The following CSMD1 variants were observed in gnomAD, a reference collection of about 807,000 sequenced individuals.
The protein encoded by CSMD1 is CUB and Sushi multiple domains 1.
Under a neutral mutation model 417.5 loss-of-function variants are expected in CSMD1, and 213 were observed. The observed-to-expected ratio is 0.51, with a 90% CI of 0.46 to 0.57. CSMD1 has a LOEUF of 0.57. CSMD1 is among the 20% of genes least tolerant of loss of function. The pLI, the probability that CSMD1 is intolerant of heterozygous loss-of-function variation, is 0.00. For missense variants in CSMD1, 6,923 were observed against 4,529.7 expected, an observed-to-expected ratio of 1.53 and a Z score of -15.17; for synonymous variants, 2,862 against 1,736.8, an observed-to-expected ratio of 1.65 and a Z score of -16.11.
intron 5 of CSMD1, among the ~76,000 whole-genome samples, chr8:3,956,404 C>G (rs979647291): frequency 4.6e-5 from 7 of 152,130 alleles, no homozygotes; most frequent in African/African-American, 1.7e-4. Context: ...GCCCAGAAGT[C>G]TAACTGGAGG....
chr8:3,762,270 A>G (rs1230715435), intron 5 of CSMD1, among the ~76,000 whole-genome samples: 1 of 152,014 alleles, frequency 6.6e-6, no homozygotes, highest in African/African-American at 2.4e-5. Flanking sequence ...GATCAGCAGA[A>G]ATATCTGCCC....
At chr8:4,900,048 G>C (rs185737377) in intron 1 of CSMD1, among the ~76,000 whole-genome samples, 6 of 152,166 alleles carry the variant, frequency 3.9e-5, no homozygotes, top group Non-Finnish European at 8.8e-5. Flanking sequence ...CGACGTTTTT[G>C]CATTTCCTCC....
intron 3 of CSMD1, among the ~76,000 whole-genome samples, chr8:4,157,262 C>G (rs75152102): frequency 0.018 from 2,779 of 152,290 alleles, 104 homozygotes; most frequent in African/African-American, 0.064. Context: ...TGTCTACATC[C>G]TGTCTGTGAC....
chr8:3,728,987 G>C (rs1327546118), intron 6 of CSMD1, among the ~76,000 whole-genome samples: 1 of 152,318 alleles, frequency 6.6e-6, no homozygotes, highest in Admixed American at 6.5e-5. Context: ...AGGTGGTAGA[G>C]TGTGATGCTA....
intron 10 of CSMD1, among the ~76,000 whole-genome samples, chr8:3,540,516 G>C (rs1197900080): frequency 6.6e-6 from 1 of 152,114 alleles, no homozygotes; most frequent in Non-Finnish European, 1.5e-5. Flanking sequence ...TACAACAAAA[G>C]TAAAAACTGA....
Position 3,644,966 on chromosome 8 carries a change from G to GAAAAAAAAAAAAAAAA in CSMD1, c.1010-28185_1010-28170dup, listed in dbSNP as rs71203456. Among the ~76,000 whole-genome samples, 8 of 64,522 alleles carry GAAAAAAAAAAAAAAAA rather than the reference G, an allele frequency of 1.2e-4. 1 individual carries two copies. The highest frequency in any genetic ancestry group is 6.9e-4 in the South Asian group (1 of 1,458). 42.3% of individuals were successfully genotyped at this position (64,522 alleles called of 152,430 possible). On this transcript the variant is annotated intron_variant, in intron 7 of 69. Transcript: ENST00000635120. ...GTTACGGATCACTAAGGCTTTAAAT[G>GAAAAAAAAAAAAAAAA]AAAAAAAAAAAAAAAAAAAAAAAAA...
At chr8:4,722,704 T>C (rs1809139702) in intron 1 of CSMD1, among the ~76,000 whole-genome samples, 2 of 152,152 alleles carry the variant, frequency 1.3e-5, no homozygotes, top group Admixed American at 6.5e-5. Flanking sequence ...AATTTGAATA[T>C]GATGTCAGCT....
chr8:4,270,606 T>A (rs1433245658), intron 3 of CSMD1, among the ~76,000 whole-genome samples: 6 of 152,196 alleles, frequency 3.9e-5, no homozygotes, highest in African/African-American at 1.4e-4. Context: ...CTGTTCAACC[T>A]GATTTTGACT....
intron 3 of CSMD1, among the ~76,000 whole-genome samples, chr8:4,214,355 T>G (rs1441926136): frequency 6.6e-6 from 1 of 152,198 alleles, no homozygotes; most frequent in East Asian, 1.9e-4. Flanking sequence ...TGGAGTGCAG[T>G]GGTGCGATCT....
At chr8:3,012,707 G>A (rs1808494182) in intron 52 of CSMD1, among the ~76,000 whole-genome samples, 1 of 152,162 alleles carries the variant, frequency 6.6e-6, no homozygotes, top group Non-Finnish European at 1.5e-5. Flanking sequence ...GTCTTGTTTG[G>A]AAGATCCACC....
chr8:3,566,710 A>G (rs1184379529), intron 10 of CSMD1, among the ~76,000 whole-genome samples: 1 of 152,226 alleles, frequency 6.6e-6, no homozygotes, highest in African/African-American at 2.4e-5. Flanking sequence ...GAGACATGGA[A>G]ATCAAAACCA....
intron 57 of CSMD1, among the ~76,000 whole-genome samples, chr8:2,971,957 T>C (rs1207184919): frequency 6.6e-6 from 1 of 152,136 alleles, no homozygotes; most frequent in East Asian, 1.9e-4. Context: ...TGTGTGCACA[T>C]ATGTGTATGC....
At chr8:4,630,242 T>C (rs538935111) in intron 2 of CSMD1, among the ~76,000 whole-genome samples, 2 of 150,700 alleles carry the variant, frequency 1.3e-5, no homozygotes, top group East Asian at 3.9e-4. Context: ...ATCCTTTTTC[T>C]TAACAAATAA....
intron 26 of CSMD1, among the ~76,000 whole-genome samples, chr8:3,271,664 A>T (rs1438813748): frequency 2.0e-5 from 3 of 152,092 alleles, no homozygotes; most frequent in Non-Finnish European, 4.4e-5. Context: ...TTCAATTTGC[A>T]TTTCTCTGAT....
At chr8:3,480,715 T>G (rs1180289517) in intron 11 of CSMD1, among the ~76,000 whole-genome samples, 2 of 152,116 alleles carry the variant, frequency 1.3e-5, no homozygotes, top group South Asian at 2.1e-4. Flanking sequence ...ATAAAACTAC[T>G]TCAATGACAA....
At chr8:3,266,230 C>A (rs113996629) in intron 26 of CSMD1, among the ~76,000 whole-genome samples, 1 of 150,562 alleles carries the variant, frequency 6.6e-6, no homozygotes, top group Admixed American at 6.6e-5. Flanking sequence ...AGGGGGCTCC[C>A]GGGATGATCA....
At chr8:4,064,110 A>C (rs370220602) in intron 3 of CSMD1, among the ~76,000 whole-genome samples, 1 of 152,172 alleles carries the variant, frequency 6.6e-6, no homozygotes, top group Non-Finnish European at 1.5e-5. Context: ...TCCTGCAGCA[A>C]AGGGTCCTAG....
chr8:3,613,399 T>G (rs1447583381), intron 8 of CSMD1: 1 of 213,594 alleles, frequency 4.7e-6, no homozygotes, highest in Non-Finnish European at 9.6e-6. Context: ...AGAACATTTT[T>G]CAATTAATTT....
At chr8:3,314,902 C>G (rs187236717) in intron 23 of CSMD1, among the ~76,000 whole-genome samples, 2 of 152,178 alleles carry the variant, frequency 1.3e-5, no homozygotes, top group African/African-American at 4.8e-5. Context: ...AACGAGCTCA[C>G]AGTAATGTGA....
Sources: gnomAD v4.1 joint callset for allele counts (sites outside exome capture counted in the v4.1 genomes callset) on GRCh38, gnomAD v4.1.1 for gene constraint, MANE v1.5 for transcripts, NCBI Gene and HGNC (gene_info 2026-07-23, HGNC 2026-07-21) for gene names.